TRPM3: variants seen among roughly 807,000 people sequenced by gnomAD.
The protein encoded by TRPM3 is transient receptor potential cation channel subfamily M member 3, also known as long transient receptor potential channel 3.
In TRPM3, 77 loss-of-function variants were observed where a neutral mutation model predicts 181.2. That is an observed-to-expected ratio of 0.42 (90% CI 0.35 to 0.51). The LOEUF (loss-of-function observed/expected upper bound fraction) is 0.51. Ranked by LOEUF, TRPM3 falls within the 20% of genes least tolerant of loss-of-function variation. TRPM3 has a pLI of 0.01. For synonymous variants in TRPM3, 745 were observed against 796.4 expected (o/e 0.94, Z 1.09); for missense variants, 1,759 against 2,196.7 (o/e 0.80, Z 3.98).
At chr9:71,202,056 C>A (rs530199571) in intron 1 of TRPM3, among the ~76,000 whole-genome samples, 21 of 152,258 alleles carry the variant, frequency 1.4e-4, no homozygotes, top group African/African-American at 4.8e-4. Context: ...CAGACAGGAC[C>A]CTCAGCTGCA....
chr9:70,620,720 T>C (rs569985519), intron 15 of TRPM3, among the ~76,000 whole-genome samples: 11 of 152,126 alleles, frequency 7.2e-5, no homozygotes, highest in Admixed American at 4.6e-4. Flanking sequence ...GATAAGGACA[T>C]CCTAGATTTT....
chr9:70,695,171 T>C (rs1051369683), intron 8 of TRPM3, among the ~76,000 whole-genome samples: 2 of 152,206 alleles, frequency 1.3e-5, no homozygotes, highest in Non-Finnish European at 2.9e-5. Flanking sequence ...GGACAGATTG[T>C]GTACGGAGCA....
intron 6 of TRPM3, 124 bp downstream of exon 6, chr9:70,827,723 G>A (rs1388498378): frequency 2.4e-6 from 3 of 1,235,814 alleles, no homozygotes; most frequent in Non-Finnish European, 3.4e-6. Flanking sequence ...TGGCCCGGTA[G>A]AAATAATGGT....
intron 7 of TRPM3, among the ~76,000 whole-genome samples, chr9:70,768,659 A>C (rs929336866): frequency 6.6e-6 from 1 of 151,918 alleles, no homozygotes; most frequent in African/African-American, 2.4e-5. Context: ...GGTGGCTCAC[A>C]TCGATAATCC....
chr9:70,603,347 T>A lies in TRPM3; in HGVS notation c.2791A>T (p.Arg931Ter), dbSNP rs759973660. The change falls in exon 20 of 26, where the codon AGA becomes TGA. Residue 931 changes from arginine (R) to a stop codon, truncating the protein, a stop_gained. Coordinates refer to ENST00000677713, the MANE Select transcript of TRPM3 (RefSeq NM_001366145.2). LOFTEE classifies it high-confidence loss of function. ...YIFTLGIEKM[R>*]EILMSEPGKL... is the part of the protein sequence containing the mutation. ...TCTTTTATAAAAGCCGTTACCTCTC[T>A]CATCTTTTCTATTCCCAGGGTGAAA... 6.2e-7 allele frequency: 1 copy of A among 1,612,948 alleles called. No homozygotes were observed. Among genetic ancestry groups the A allele is most frequent in the Admixed American group, 1.7e-5 (1 of 59,754 alleles).
At chr9:70,763,487 G>A (rs2078536624) in intron 7 of TRPM3, among the ~76,000 whole-genome samples, 1 of 152,062 alleles carries the variant, frequency 6.6e-6, no homozygotes, top group Non-Finnish European at 1.5e-5. Context: ...GGGTGACAGG[G>A]CCAGAACCTG....
At chr9:70,639,325 G>C in intron 10 of TRPM3, 131 bp from the exon 11 acceptor site, 1 of 983,416 alleles carries the variant, frequency 1.0e-6, no homozygotes, top group Admixed American at 2.5e-5. Flanking sequence ...CTAAGAACAT[G>C]CTAGCAAGAC....
chr9:71,406,603 A>G (rs913316429), intron 1 of TRPM3, among the ~76,000 whole-genome samples: 1 of 152,172 alleles, frequency 6.6e-6, no homozygotes, highest in Non-Finnish European at 1.5e-5. Flanking sequence ...TTTACGGAAA[A>G]AGCAGTGTGA....
At chr9:70,558,128 A>G (rs2048185280) in intron 22 of TRPM3, among the ~76,000 whole-genome samples, 1 of 152,186 alleles carries the variant, frequency 6.6e-6, no homozygotes. Context: ...TGAAACTAGT[A>G]TAAAAGAGAA....
At chr9:71,038,649 A>C (rs563211079) in intron 1 of TRPM3, among the ~76,000 whole-genome samples, 1 of 152,194 alleles carries the variant, frequency 6.6e-6, no homozygotes, top group East Asian at 1.9e-4. Context: ...TTTACTGAGT[A>C]CCTATTATGT....
chr9:71,109,245 T>G (rs1031745656), intron 1 of TRPM3, among the ~76,000 whole-genome samples: 4 of 152,050 alleles, frequency 2.6e-5, no homozygotes, highest in Non-Finnish European at 5.9e-5. Flanking sequence ...ATAAGCCAAT[T>G]CCTTAAAATA....
intron 1 of TRPM3, among the ~76,000 whole-genome samples, chr9:70,994,102 C>T (rs144032496): frequency 3.9e-5 from 6 of 152,224 alleles, no homozygotes; most frequent in East Asian, 1.9e-4. Flanking sequence ...TCACAGAGAA[C>T]GTATTTGGAA....
chr9:70,697,333 G>C (rs1232646855), intron 8 of TRPM3, among the ~76,000 whole-genome samples: 1 of 152,160 alleles, frequency 6.6e-6, no homozygotes. Flanking sequence ...ATTATTTCAA[G>C]CTCAGATGGA....
intron 1 of TRPM3, among the ~76,000 whole-genome samples, chr9:70,988,590 A>G (rs549066993): frequency 5.6e-4 from 85 of 152,322 alleles, no homozygotes; most frequent in African/African-American, 1.9e-3. Context: ...TGATTATTCA[A>G]TGATGTGAAT....
intron 5 of TRPM3, among the ~76,000 whole-genome samples, chr9:70,832,215 C>T (rs1024442097): frequency 4.0e-5 from 6 of 149,132 alleles, no homozygotes; most frequent in East Asian, 2.0e-4. Context: ...GTGGGTGCAG[C>T]GCACCAGCAT....
intron 1 of TRPM3, among the ~76,000 whole-genome samples, chr9:71,135,565 A>T (rs1292850056): frequency 6.6e-6 from 1 of 152,214 alleles, no homozygotes; most frequent in African/African-American, 2.4e-5. Context: ...AATCTCCAGT[A>T]ATCCACAAAA....
chr9:71,091,145 C>A (rs1305931107), intron 1 of TRPM3, among the ~76,000 whole-genome samples: 1 of 152,136 alleles, frequency 6.6e-6, no homozygotes, highest in African/African-American at 2.4e-5. Context: ...TTAAACACAC[C>A]ATGCTTACCA....
intron 6 of TRPM3, among the ~76,000 whole-genome samples, chr9:70,808,464 A>G (rs1425587285): frequency 6.6e-6 from 1 of 152,242 alleles, no homozygotes; most frequent in Non-Finnish European, 1.5e-5. Flanking sequence ...TGAGATAAAC[A>G]TGACAAGTCA....
intron 1 of TRPM3, among the ~76,000 whole-genome samples, chr9:71,280,687 CA>C (rs2084640460): frequency 6.6e-6 from 1 of 152,188 alleles, no homozygotes. Flanking sequence ...AGCCTTTGTG[CA>C]GGTCCTTGAA....
Sources: allele counts gnomAD v4.1 joint callset (sites outside exome capture counted in the v4.1 genomes callset), GRCh38; gene constraint gnomAD v4.1.1; transcripts MANE v1.5; gene names NCBI Gene and HGNC (gene_info 2026-07-23, HGNC 2026-07-21).